Variants in NARS2 observed in about 807,000 individuals in gnomAD.
NARS2 encodes asparaginyl-tRNA synthetase.
In NARS2, 60 loss-of-function variants were observed where a neutral mutation model predicts 62.9. That is an observed-to-expected ratio of 0.95 (90% confidence interval 0.77 to 1.18). The LOEUF (loss-of-function observed/expected upper bound fraction) is 1.18. Ranked by LOEUF, NARS2 falls within the 50% of genes most tolerant of loss-of-function variation. The pLI is 0.00. For missense variants in NARS2, 619 were observed against 576.4 expected (o/e 1.07, Z -0.76); for synonymous variants, 196 against 200.0 (o/e 0.98, Z 0.17).
At chr11:78,544,320 A>G (rs1170339133) in intron 5 of NARS2, among the ~76,000 whole-genome samples, 1 of 152,216 alleles carries the variant, frequency 6.6e-6, no homozygotes, top group Non-Finnish European at 1.5e-5. Flanking sequence ...TCTGGTTGTC[A>G]TAACTGGGGA....
chr11:78,465,240 GC>G (rs1229393035), intron 11 of NARS2, among the ~76,000 whole-genome samples: 1 of 152,244 alleles, frequency 6.6e-6, no homozygotes, highest in Non-Finnish European at 1.5e-5. Flanking sequence ...ACTCGCACTG[GC>G]CCGCAAGCAC....
chr11:78,497,735 C>G (rs1027154491), intron 6 of NARS2, among the ~76,000 whole-genome samples: 1 of 152,118 alleles, frequency 6.6e-6, no homozygotes, highest in African/African-American at 2.4e-5. Context: ...CAGATACCCC[C>G]TTTTCAGCTT....
chr11:78,467,237 A>AT (rs1565216943), intron 10 of NARS2, among the ~76,000 whole-genome samples: 2 of 152,230 alleles, frequency 1.3e-5, no homozygotes, highest in African/African-American at 2.4e-5. Flanking sequence ...CTCTGGACCT[A>AT]TATCATTGCC....
At chr11:78,530,690 C>T (rs1861445296) in intron 5 of NARS2, among the ~76,000 whole-genome samples, 1 of 152,144 alleles carries the variant, frequency 6.6e-6, no homozygotes, top group East Asian at 1.9e-4. Context: ...CCAGGATGGT[C>T]TCCTGACCTC....
Position 78,455,488 on chromosome 11 carries a change from T to C in NARS2, c.1164+10388A>G, listed in dbSNP as rs569856483. On this transcript the variant is annotated intron_variant, in intron 11 of 13. Coordinates refer to ENST00000281038, the MANE Select transcript of NARS2 (RefSeq NM_024678.6). ...TGAAGCACCATACGGATCAATAAAC[T>C]GAACAATAGCAGTACCCCAAAAAAG... Among the ~76,000 whole-genome samples, 4 of 152,234 alleles carry C rather than the reference T, an allele frequency of 2.6e-5. No homozygotes were observed. In the South Asian group the frequency reaches 6.2e-4, roughly 24 times the overall value.
At chr11:78,514,263 C>T (rs1024140248) in intron 6 of NARS2, among the ~76,000 whole-genome samples, 2 of 152,256 alleles carry the variant, frequency 1.3e-5, no homozygotes, top group African/African-American at 2.4e-5. Context: ...GCTGGGACTA[C>T]AGGCGTATGC....
intron 6 of NARS2, among the ~76,000 whole-genome samples, chr11:78,495,145 T>A (rs993170568): frequency 2.6e-5 from 4 of 152,188 alleles, no homozygotes; most frequent in African/African-American, 7.2e-5. Context: ...AGCCCTAATT[T>A]TAAAATCTTC....
intron 7 of NARS2, among the ~76,000 whole-genome samples, chr11:78,484,266 A>C (rs1859479383): frequency 6.6e-6 from 1 of 152,224 alleles, no homozygotes; most frequent in South Asian, 2.1e-4. Flanking sequence ...CTTAAATGTA[A>C]AACCCAAAAC....
intron 5 of NARS2, chr11:78,558,205 GA>G (rs2135512392): frequency 6.6e-6 from 1 of 152,256 alleles, no homozygotes; most frequent in East Asian, 1.9e-4. Flanking sequence ...CATATACACA[GA>G]TGCTAATACC....
At chr11:78,529,628 TAATAA>T (rs1369624007) in intron 5 of NARS2, among the ~76,000 whole-genome samples, 1 of 152,178 alleles carries the variant, frequency 6.6e-6, no homozygotes, top group Non-Finnish European at 1.5e-5. Context: ...ACAAACAGTA[TAATAA>T]AGAAAGCTTC....
At chr11:78,484,220 A>T (rs60472658) in intron 7 of NARS2, among the ~76,000 whole-genome samples, 2,354 of 152,240 alleles carry the variant, frequency 0.015, 58 homozygotes, top group African/African-American at 0.054. Context: ...CCTTCCTTAC[A>T]CCTTATATAA....
At chr11:78,513,951 T>C (rs1350263568) in intron 6 of NARS2, among the ~76,000 whole-genome samples, 5 of 152,184 alleles carry the variant, frequency 3.3e-5, no homozygotes, top group Non-Finnish European at 2.9e-5. Flanking sequence ...CACACCCCCC[T>C]ACACACACAC....
intron 5 of NARS2, among the ~76,000 whole-genome samples, chr11:78,531,070 G>A (rs527953637): frequency 1.1e-4 from 17 of 152,150 alleles, no homozygotes; most frequent in African/African-American, 3.9e-4. Flanking sequence ...TACAAAAAGT[G>A]ATATCAGCAA....
At chr11:78,507,875 C>G (rs200842201) in intron 6 of NARS2, among the ~76,000 whole-genome samples, 1 of 151,318 alleles carries the variant, frequency 6.6e-6, no homozygotes, top group Admixed American at 6.6e-5. Flanking sequence ...AAAATATGAC[C>G]CAGAGGGGAA....
intron 7 of NARS2, among the ~76,000 whole-genome samples, chr11:78,486,472 A>T (rs1024842484): frequency 1.3e-5 from 2 of 152,248 alleles, no homozygotes; most frequent in Admixed American, 1.3e-4. Flanking sequence ...ATCACTGTGC[A>T]ATTTCCAGAC....
chr11:78,561,277 A>C (rs1191951355), intron 4 of NARS2, among the ~76,000 whole-genome samples: 1 of 152,270 alleles, frequency 6.6e-6, no homozygotes, highest in African/African-American at 2.4e-5. Context: ...CAGCCGTGCA[A>C]ACAAAGTCCA....
At chr11:78,491,151 C>T (rs1565233554) in intron 7 of NARS2, among the ~76,000 whole-genome samples, 1 of 152,192 alleles carries the variant, frequency 6.6e-6, no homozygotes, top group Non-Finnish European at 1.5e-5. Context: ...TATGGTTGTT[C>T]AACAGCAGCA....
intron 9 of NARS2, among the ~76,000 whole-genome samples, chr11:78,472,960 T>C (rs1231888367): frequency 1.3e-5 from 2 of 152,224 alleles, no homozygotes; most frequent in African/African-American, 4.8e-5. Flanking sequence ...CATCTCATTA[T>C]GCTTTCAGTG....
chr11:78,562,538 G>A lies in NARS2; in HGVS notation c.514-2919C>T, dbSNP rs542167187. 3.3e-5 allele frequency among the ~76,000 whole-genome samples: 5 copies of A among 152,312 alleles called. No homozygotes were observed. The South Asian group carries it at 1.0e-3, about 32-fold the overall frequency. ...CTCACAGGAAGAACCTCGACTCACT[G>A]AGAAAGAAAGAGCAGAATCTTTTCT... On this transcript the variant is annotated intron_variant, in intron 4 of 13. Transcript: ENST00000281038.
Sources: allele counts gnomAD v4.1 joint callset (sites outside exome capture counted in the v4.1 genomes callset), GRCh38; gene constraint gnomAD v4.1.1; transcripts MANE v1.5; gene names NCBI Gene and HGNC (gene_info 2026-07-23, HGNC 2026-07-21).